SV2C: variants seen among roughly 807,000 people sequenced by gnomAD.
SV2C encodes the protein synaptic vesicle glycoprotein 2C, also known as solute carrier family 22 member B3.
A neutral mutation model predicts 79.7 loss-of-function variants in SV2C; 49 were observed. That is an observed-to-expected ratio of 0.61 (90% CI 0.49 to 0.78). SV2C has a LOEUF of 0.78. SV2C is among the 30% of genes least tolerant of loss of function. SV2C has a pLI of 0.00. For missense variants in SV2C, 833 were observed against 912.9 expected (o/e 0.91, Z 1.13); for synonymous variants, 334 against 333.2 (o/e 1.00, Z -0.03).
rs778182031 is a variant in SV2C, at chr5:76,285,302, CTTA to C, written c.1047+13_1047+15del. 9.3e-6 allele frequency: 15 copies of C among 1,613,406 alleles called. No homozygotes were observed. Among genetic ancestry groups the C allele is most frequent in the African/African-American group, 1.3e-5 (1 of 74,908 alleles). On this transcript the variant is annotated splice_region_variant and intron_variant, in intron 5 of 12. Coordinates refer to ENST00000502798, the MANE Select transcript of SV2C (RefSeq NM_014979.4). ...CCCACGATTCTTGTTGGAGGTAACA[CTTA>C]TTATTGCAGATACTCAGGTAGCCCA...
the SV2C span, among the ~76,000 whole-genome samples, chr5:76,023,687 T>TATAC: frequency 7.3e-6 from 1 of 136,262 alleles, no homozygotes; most frequent in Non-Finnish European, 1.5e-5. Flanking sequence ...TGTGTGTGTA[T>TATAC]ATATATATAT....
intron 2 of SV2C, among the ~76,000 whole-genome samples, chr5:76,164,711 G>A (rs1342313965): frequency 1.0e-5 from 1 of 96,710 alleles, no homozygotes; most frequent in Non-Finnish European, 2.1e-5. Flanking sequence ...TACTGTTGGG[G>A]ATGGAACTCA....
intron 4 of SV2C, among the ~76,000 whole-genome samples, chr5:76,244,511 C>G (rs1276435469): frequency 6.6e-6 from 1 of 152,078 alleles, no homozygotes; most frequent in East Asian, 1.9e-4. Context: ...TTATTTTAAC[C>G]CAACAAATAT....
chr5:75,900,909 T>C, the SV2C span, among the ~76,000 whole-genome samples: 2 of 152,274 alleles, frequency 1.3e-5, no homozygotes, highest in African/African-American at 2.4e-5. Flanking sequence ...CTTCACGTAG[T>C]TCTTGAGCCT....
At chr5:75,950,652 T>A in the SV2C span, among the ~76,000 whole-genome samples, 1 of 151,958 alleles carries the variant, frequency 6.6e-6, no homozygotes, top group African/African-American at 2.4e-5. Flanking sequence ...TTTGGGTGGA[T>A]TTTAGTTGCT....
At chr5:76,291,602 G>A (rs954752482) in intron 7 of SV2C, among the ~76,000 whole-genome samples, 166 bp from the exon 8 acceptor site, 1 of 152,214 alleles carries the variant, frequency 6.6e-6, no homozygotes, top group South Asian at 2.1e-4. Flanking sequence ...TGACATCCAG[G>A]AAGCTGAAGA....
chr5:75,906,541 G>T, the SV2C span, among the ~76,000 whole-genome samples: 1 of 152,198 alleles, frequency 6.6e-6, no homozygotes, highest in South Asian at 2.1e-4. Context: ...ATGGATTAAG[G>T]TGATGGATGG....
chr5:75,983,150 A>G, the SV2C span, among the ~76,000 whole-genome samples: 1 of 152,120 alleles, frequency 6.6e-6, no homozygotes, highest in Non-Finnish European at 1.5e-5. Context: ...TGTAATATAA[A>G]TCTGTACAAC....
At chr5:75,975,446 T>A in the SV2C span, among the ~76,000 whole-genome samples, 1 of 152,146 alleles carries the variant, frequency 6.6e-6, no homozygotes. Context: ...TTATTTCCAA[T>A]TCATGTAGGA....
At chr5:76,276,092 C>T (rs1329733219) in intron 4 of SV2C, among the ~76,000 whole-genome samples, 2 of 152,176 alleles carry the variant, frequency 1.3e-5, no homozygotes, top group African/African-American at 2.4e-5. Flanking sequence ...GTTGCTGTCT[C>T]TCCACTTTCT....
intron 4 of SV2C, among the ~76,000 whole-genome samples, chr5:76,270,460 GC>G (rs2112471984): frequency 6.6e-6 from 1 of 152,362 alleles, no homozygotes; most frequent in Admixed American, 6.5e-5. Flanking sequence ...ATGGCTCCCA[GC>G]AAAGCCTGAG....
chr5:76,328,572 C>T lies in SV2C; in HGVS notation c.*3025C>T, dbSNP rs556843181. 2 of 152,328 alleles carry T rather than the reference C, an allele frequency of 1.3e-5. No individual in the cohort carries two copies. The highest frequency in any genetic ancestry group is 4.8e-5 in the African/African-American group (2 of 41,554). The allele number at this position is 152,328 out of a possible 1,614,324, so 9.4% of individuals were successfully genotyped here. On this transcript the variant is annotated 3_prime_UTR_variant, in exon 13 of 13. Transcript: ENST00000502798. ...ACCTTGGAGACGCGATAGATGGGTC[C>T]TAGCCTGACCTTCACCACTAAGCGG...
rs1362389774 is a variant in SV2C at position 76,232,080 on chromosome 5, C to T, written c.913+22193C>T. On this transcript the variant is annotated intron_variant, in intron 4 of 12. Transcript: ENST00000502798. ...CAGTGTAAAAGTGTTCCTATTTCTC[C>T]ACATCCTCTCCAGCACCTGTTGTTT... Among the ~76,000 whole-genome samples, 44 of 148,686 alleles carry T rather than the reference C, an allele frequency of 3.0e-4. No homozygotes were observed. The South Asian group carries it at 9.2e-3, about 31-fold the overall frequency.
chr5:76,211,092 A>G (rs1226181336), intron 4 of SV2C, among the ~76,000 whole-genome samples: 1 of 152,076 alleles, frequency 6.6e-6, no homozygotes, highest in Non-Finnish European at 1.5e-5. Flanking sequence ...TATCAAACAC[A>G]CAGAAGCACC....
the SV2C span, among the ~76,000 whole-genome samples, chr5:75,922,648 G>T: frequency 6.6e-6 from 1 of 152,154 alleles, no homozygotes; most frequent in Non-Finnish European, 1.5e-5. Context: ...CAGTTCAGTT[G>T]GAAATTATGT....
intron 4 of SV2C, among the ~76,000 whole-genome samples, chr5:76,231,942 G>A (rs925432792): frequency 1.4e-5 from 2 of 143,776 alleles, no homozygotes; most frequent in Admixed American, 1.3e-4. Flanking sequence ...TAATCCTTTG[G>A]GTATATACCA....
chr5:75,947,934 A>C, the SV2C span, among the ~76,000 whole-genome samples: 1 of 151,966 alleles, frequency 6.6e-6, no homozygotes, highest in African/African-American at 2.4e-5. Flanking sequence ...ATTCTACTCC[A>C]TAAAACATCA....
At chr5:76,104,855 G>A (rs1234881917) in intron 1 of SV2C, among the ~76,000 whole-genome samples, 1 of 152,146 alleles carries the variant, frequency 6.6e-6, no homozygotes, top group Non-Finnish European at 1.5e-5. Flanking sequence ...TGCGGTTGTT[G>A]TGGGTGTCAT....
chr5:76,299,016 T>G, intron 10 of SV2C, 89 bp downstream of exon 10: 1 of 1,401,062 alleles, frequency 7.1e-7, no homozygotes, highest in South Asian at 1.6e-5. Flanking sequence ...CAGAGGCTTA[T>G]GCGGGAAGTG....
Sources: allele counts gnomAD v4.1 joint callset (sites outside exome capture counted in the v4.1 genomes callset), GRCh38; gene constraint gnomAD v4.1.1; transcripts MANE v1.5; gene names NCBI Gene and HGNC (gene_info 2026-07-23, HGNC 2026-07-21).